The following MTMR12 variants were observed in gnomAD, a reference collection of about 807,000 sequenced individuals.
The protein encoded by MTMR12 is myotubularin related protein 12.
Under a neutral mutation model 96.7 loss-of-function variants are expected in MTMR12, and 33 were observed. The observed-to-expected ratio is 0.34, with a 90% CI of 0.26 to 0.46. MTMR12 has a LOEUF of 0.46. MTMR12 is among the 20% of genes least tolerant of loss of function. MTMR12 has a pLI of 1.00. For synonymous variants in MTMR12, 298 were observed against 327.2 expected (o/e 0.91, Z 0.96); for missense variants, 721 against 896.1 (o/e 0.80, Z 2.49).
chr5:32,262,789 G>A (rs1472577493), intron 7 of MTMR12, among the ~76,000 whole-genome samples: 1 of 152,092 alleles, frequency 6.6e-6, no homozygotes, highest in African/African-American at 2.4e-5. Context: ...AAAATAAACA[G>A]ACTTTGAAAA....
At chr5:32,294,312 T>C (rs983630978) in intron 1 of MTMR12, among the ~76,000 whole-genome samples, 6 of 152,134 alleles carry the variant, frequency 3.9e-5, no homozygotes, top group African/African-American at 1.4e-4. Flanking sequence ...TTTTTCCTTT[T>C]TTTTTTTAAA....
intron 1 of MTMR12, among the ~76,000 whole-genome samples, chr5:32,286,440 T>C (rs142404288): frequency 3.9e-4 from 59 of 151,992 alleles, no homozygotes; most frequent in East Asian, 2.1e-3. Flanking sequence ...CATGGGAGGA[T>C]TGGTTGAAAG....
chr5:32,270,669 T>C, intron 5 of MTMR12, 148 bp downstream of exon 5: 1 of 838,034 alleles, frequency 1.2e-6, no homozygotes, highest in Non-Finnish European at 1.8e-6. Flanking sequence ...ACTTTTCACG[T>C]TCTAATCAAA....
chr5:32,228,684 G>A lies in MTMR12; in HGVS notation c.*1094C>T, dbSNP rs1415714384. 6.8e-6 allele frequency: 1 copy of A among 147,336 alleles called. No homozygotes were observed. The highest frequency in any genetic ancestry group is 1.5e-5 in the Non-Finnish European group (1 of 67,256). The allele number at this position is 147,336 out of a possible 1,614,324, so 9.1% of individuals were successfully genotyped here. On this transcript the variant is annotated 3_prime_UTR_variant, in exon 16 of 16. Transcript: ENST00000382142. ...ACAGCAGATCCAAGAAGGTGACCAG[G>A]CATAGTCAAGTTTCTTCTATGGCTT...
At chr5:32,295,204 T>TG (rs1484338818) in intron 1 of MTMR12, among the ~76,000 whole-genome samples, 2 of 152,248 alleles carry the variant, frequency 1.3e-5, no homozygotes, top group African/African-American at 4.8e-5. Flanking sequence ...TCTGAAAGCA[T>TG]GACAGGAGGC....
intron 1 of MTMR12, among the ~76,000 whole-genome samples, chr5:32,290,978 T>C (rs1750718907): frequency 1.3e-5 from 2 of 152,174 alleles, no homozygotes; most frequent in South Asian, 4.1e-4. Context: ...AGCCATACAG[T>C]GGGTCGTGCA....
intron 10 of MTMR12, among the ~76,000 whole-genome samples, chr5:32,245,731 G>C (rs1271843010): frequency 6.6e-6 from 1 of 152,080 alleles, no homozygotes; most frequent in African/African-American, 2.4e-5. Context: ...AAGAGGCTGA[G>C]GCACAAGAAT....
chr5:32,276,653 A>T (rs759492849), intron 2 of MTMR12, 29 bp downstream of exon 2: 1 of 1,590,254 alleles, frequency 6.3e-7, no homozygotes, highest in Non-Finnish European at 8.6e-7. Context: ...TGCCTTGCAT[A>T]GGAGTTACTA....
In MTMR12 at chr5:32,312,840, CCGCCGCCCTGGGAAGCAG is replaced by C; in HGVS notation, c.-20_-3del. The C allele has an allele frequency of 6.6e-7, 1 of 1,525,466 alleles. No homozygotes were observed. The highest frequency in any genetic ancestry group is 1.2e-5 in the South Asian group (1 of 83,684). 94.5% of individuals were successfully genotyped at this position (1,525,466 alleles called of 1,614,324 possible). A position where few individuals can be genotyped will look rare whatever the true frequency, so the allele number is the denominator to read the frequency against. ...GCCGACTACTCCTTTCCCCAGCATA[CCGCCGCCCTGGGAAGCAG>C]CGACGCGCGGACGCAGAGGCGGCGG... is the stretch of plus-strand genomic sequence containing the variant. On this transcript the variant is annotated 5_prime_UTR_variant, in exon 1 of 16. Coordinates refer to ENST00000382142, the MANE Select transcript of MTMR12 (RefSeq NM_001040446.3). The surrounding 1 kb of genome is among the most constrained non-coding windows in gnomAD (Gnocchi z 5.0).
chr5:32,236,990 T>A lies in MTMR12; in HGVS notation c.1345-1861A>T, dbSNP rs188535079. Among the ~76,000 whole-genome samples the A allele has an allele frequency of 8.5e-5, 13 of 152,330 alleles. No individual in the cohort carries two copies. The East Asian group carries it at 2.5e-3, about 29-fold the overall frequency. ...CCCTTCCAGGACTGAAAGATGTGAT[T>A]TCTATTCAGCTCAATGGGACACAGA... On this transcript the variant is annotated intron_variant, in intron 13 of 15. Coordinates refer to ENST00000382142, the MANE Select transcript of MTMR12 (RefSeq NM_001040446.3).
chr5:32,239,278 C>T (rs1748365305), intron 12 of MTMR12, 105 bp from the exon 13 acceptor site: 14 of 1,160,504 alleles, frequency 1.2e-5, no homozygotes, highest in Non-Finnish European at 1.6e-5. Context: ...TTCCCAACAC[C>T]AAGGTCTACT....
chr5:32,265,080 A>G (rs1295375751), intron 6 of MTMR12, among the ~76,000 whole-genome samples: 1 of 152,210 alleles, frequency 6.6e-6, no homozygotes, highest in Non-Finnish European at 1.5e-5. Context: ...ATGCCATGTC[A>G]TAAACATTTA....
intron 1 of MTMR12, among the ~76,000 whole-genome samples, chr5:32,295,381 T>A (rs1342149016): frequency 6.6e-6 from 1 of 152,216 alleles, no homozygotes; most frequent in Non-Finnish European, 1.5e-5. Flanking sequence ...ACAAACCACA[T>A]ACACAAATTC....
At chr5:32,310,519 TC>T (rs1253522011) in intron 1 of MTMR12, among the ~76,000 whole-genome samples, 13 of 152,084 alleles carry the variant, frequency 8.5e-5, no homozygotes, top group African/African-American at 3.1e-4. Flanking sequence ...GAACTGGAGG[TC>T]ATTATGTTAA....
intron 7 of MTMR12, among the ~76,000 whole-genome samples, chr5:32,262,691 C>T (rs1180650330): frequency 6.6e-6 from 1 of 152,098 alleles, no homozygotes; most frequent in Non-Finnish European, 1.5e-5. Context: ...AGTCCATCAA[C>T]TAATAGATGG....
At chr5:32,297,683 G>A (rs1379350154) in intron 1 of MTMR12, among the ~76,000 whole-genome samples, 2 of 151,844 alleles carry the variant, frequency 1.3e-5, no homozygotes, top group Admixed American at 6.6e-5. Flanking sequence ...TCTTAGCAAG[G>A]ATCACTCTCA....
intron 7 of MTMR12, among the ~76,000 whole-genome samples, chr5:32,262,188 G>A (rs1349453665): frequency 6.6e-6 from 1 of 152,202 alleles, no homozygotes; most frequent in Non-Finnish European, 1.5e-5. Context: ...AAGTCTGTGA[G>A]TGCCTCAAAA....
intron 1 of MTMR12, among the ~76,000 whole-genome samples, chr5:32,291,390 T>A (rs755293504): frequency 6.6e-6 from 1 of 152,176 alleles, no homozygotes; most frequent in Admixed American, 6.5e-5. Flanking sequence ...TACTGATTCA[T>A]AGGCTGTAGC....
chr5:32,268,646 G>A, intron 6 of MTMR12, 55 bp downstream of exon 6: 2 of 1,457,868 alleles, frequency 1.4e-6, no homozygotes, highest in Non-Finnish European at 1.9e-6. Context: ...CTGGCTTCAG[G>A]TGGGAATTGG....
Sources: allele counts gnomAD v4.1 joint callset (sites outside exome capture counted in the v4.1 genomes callset), GRCh38; gene constraint gnomAD v4.1.1; non-coding constraint Gnocchi (gnomAD v3.1); transcripts MANE v1.5; gene names NCBI Gene and HGNC (gene_info 2026-07-23, HGNC 2026-07-21).